Variants in TIAM2 observed in about 807,000 individuals in gnomAD.
TIAM2 encodes the protein rho guanine nucleotide exchange factor TIAM2.
A neutral mutation model predicts 152.9 loss-of-function variants in TIAM2; 80 were observed. The observed-to-expected ratio is 0.52, with a 90% CI of 0.44 to 0.63. The LOEUF (loss-of-function observed/expected upper bound fraction) is 0.63. Among genes scored for constraint, TIAM2 ranks in the 30% least tolerant of loss-of-function variants. The pLI is 0.00. For synonymous variants in TIAM2, 804 were observed against 838.0 expected, an observed-to-expected ratio of 0.96 and a Z score of 0.70; for missense variants, 1,965 against 2,120.1, an observed-to-expected ratio of 0.93 and a Z score of 1.44.
At chr6:155,224,826 G>A (rs375012955) in intron 15 of TIAM2, among the ~76,000 whole-genome samples, 102 of 152,342 alleles carry the variant, frequency 6.7e-4, no homozygotes, top group African/African-American at 2.2e-3. Flanking sequence ...GAAGGTTCTG[G>A]CCTGGCATCT....
intron 10 of TIAM2, 86 bp downstream of exon 10, chr6:155,177,063 T>C: frequency 7.3e-7 from 1 of 1,370,168 alleles, no homozygotes; most frequent in East Asian, 2.4e-5. Context: ...TCATGTGATA[T>C]TCAAGGGCCC....
intron 2 of TIAM2, among the ~76,000 whole-genome samples, chr6:155,102,819 A>G (rs1003538216): frequency 1.3e-5 from 2 of 149,444 alleles, no homozygotes; most frequent in African/African-American, 4.9e-5. Flanking sequence ...GTATACATAT[A>G]TTTTCCTCCC....
chr6:155,018,312 T>A (rs934014610), intron 1 of TIAM2, among the ~76,000 whole-genome samples: 2 of 151,740 alleles, frequency 1.3e-5, no homozygotes, highest in African/African-American at 4.8e-5. Flanking sequence ...TTTCACTTGC[T>A]TCTTATTTTT....
Position 155,053,782 on chromosome 6 carries a change from C to T in TIAM2, c.-208-36507C>T, listed in dbSNP as rs1583169634. 2.0e-5 allele frequency among the ~76,000 whole-genome samples: 3 copies of T among 152,214 alleles called. 1 individual carries two copies. The South Asian group carries it at 6.2e-4, about 32-fold the overall frequency. On this transcript the variant is annotated intron_variant, in intron 1 of 26. Coordinates refer to ENST00000682666, the MANE Select transcript of TIAM2 (RefSeq NM_012454.4). The stretch of plus-strand genomic sequence containing the variant: ...CACTACGCCTGGCCTAGCAAACACC[C>T]TTTTGATTATGATTTGTAATCCATG...
chr6:155,236,866 G>A (rs1159522565), intron 15 of TIAM2, among the ~76,000 whole-genome samples: 1 of 152,054 alleles, frequency 6.6e-6, no homozygotes, highest in Non-Finnish European at 1.5e-5. Flanking sequence ...AATTATTTAT[G>A]GGAGCTACAA....
intron 2 of TIAM2, among the ~76,000 whole-genome samples, chr6:155,104,050 C>CCCCCCACACA (rs1778617598): frequency 2.3e-5 from 2 of 87,546 alleles, no homozygotes; most frequent in African/African-American, 1.1e-4. Context: ...ACCCCCCCCC[C>CCCCCCACACA]CACACCCCCA....
chr6:155,015,963 A>AC (rs1212063482), intron 1 of TIAM2, among the ~76,000 whole-genome samples: 13 of 151,078 alleles, frequency 8.6e-5, no homozygotes, highest in African/African-American at 3.1e-4. Flanking sequence ...AAAAAAAAAA[A>AC]AAAAAAAAAA....
intron 1 of TIAM2, among the ~76,000 whole-genome samples, chr6:155,003,762 C>T (rs1172136351): frequency 6.6e-6 from 1 of 152,174 alleles, no homozygotes; most frequent in African/African-American, 2.4e-5. Flanking sequence ...CTGCTACCAC[C>T]GCAGCTGCCA....
intron 2 of TIAM2, among the ~76,000 whole-genome samples, chr6:155,102,998 T>A (rs1778584611): frequency 6.6e-6 from 1 of 152,212 alleles, no homozygotes; most frequent in South Asian, 2.1e-4. Context: ...TCGTAAGTGG[T>A]AATTTACATT....
At chr6:155,070,337 C>T (rs1040631617) in intron 1 of TIAM2, among the ~76,000 whole-genome samples, 1 of 149,690 alleles carries the variant, frequency 6.7e-6, no homozygotes, top group Non-Finnish European at 1.5e-5. Context: ...TCTCCTGCCT[C>T]AGCCTCCTGA....
At chr6:155,216,607 T>C (rs1308999031) in intron 15 of TIAM2, 1 of 154,632 alleles carries the variant, frequency 6.5e-6, no homozygotes, top group Non-Finnish European at 1.4e-5. Context: ...GCATGTGCTA[T>C]TGTAATAGTT....
intron 1 of TIAM2, among the ~76,000 whole-genome samples, chr6:155,055,060 G>A (rs777943106): frequency 2.0e-5 from 3 of 152,148 alleles, no homozygotes; most frequent in African/African-American, 7.2e-5. Context: ...GTGGAACTGC[G>A]ATCTGGAGCC....
intron 1 of TIAM2, among the ~76,000 whole-genome samples, chr6:155,061,153 T>C (rs1777571380): frequency 6.6e-6 from 1 of 152,190 alleles, no homozygotes; most frequent in Non-Finnish European, 1.5e-5. Context: ...TGAATAGAGC[T>C]AGGAAGTTTT....
intron 1 of TIAM2, among the ~76,000 whole-genome samples, chr6:155,073,711 G>A (rs1657056935): frequency 6.6e-6 from 1 of 152,142 alleles, no homozygotes; most frequent in African/African-American, 2.4e-5. Context: ...CTGCTTAACA[G>A]CGAGCTACCC....
In TIAM2 at chr6:155,017,790, A is replaced by G. The variant is rs566290600; in HGVS notation, c.-209+22298A>G. 2.6e-5 allele frequency among the ~76,000 whole-genome samples: 4 copies of G among 152,228 alleles called. No homozygotes were observed. In the South Asian group the frequency reaches 8.3e-4, roughly 32 times the overall value. On this transcript the variant is annotated intron_variant, in intron 1 of 26. Transcript: ENST00000682666. ...AGTGCTGGGATTACAGGTGTGAGCC[A>G]CCACGCCTGACTCTCCCTTTTGTCT...
chr6:155,256,746 G>A lies in TIAM2; in HGVS notation c.4731G>A (p.Gln1577=). 6.2e-7 allele frequency: 1 copy of A among 1,614,242 alleles called. No homozygotes were observed. Among genetic ancestry groups the A allele is most frequent in the Non-Finnish European group, 8.5e-7 (1 of 1,180,042 alleles). ...ILSDEDDDHR[Q]TVKQGSPTKD... ...GCGATGAAGATGATGACCACCGTCA[G>A]ACTGTGAAGCAGGGCAGCCCTACTA... The change falls in exon 27 of 27, where the codon CAG becomes CAA. Residue 1577 remains glutamine (Q), a synonymous_variant. Transcript: ENST00000682666.
At chr6:155,055,397 C>T (rs969154553) in intron 1 of TIAM2, among the ~76,000 whole-genome samples, 6 of 152,112 alleles carry the variant, frequency 3.9e-5, no homozygotes, top group African/African-American at 1.4e-4. Flanking sequence ...TTTTAGAAAG[C>T]AAGATTATAG....
intron 1 of TIAM2, among the ~76,000 whole-genome samples, chr6:155,081,492 C>T (rs533015088): frequency 6.6e-5 from 10 of 152,048 alleles, no homozygotes; most frequent in African/African-American, 1.9e-4. Context: ...GTAAAGTTAC[C>T]GTTTGGAAAA....
intron 1 of TIAM2, among the ~76,000 whole-genome samples, chr6:155,049,825 A>G (rs1251758888): frequency 6.6e-6 from 1 of 152,078 alleles, no homozygotes; most frequent in Non-Finnish European, 1.5e-5. Flanking sequence ...AGAATGTGGT[A>G]GTTATAGGCA....
Sources: allele counts gnomAD v4.1 joint callset (sites outside exome capture counted in the v4.1 genomes callset), GRCh38; gene constraint gnomAD v4.1.1; transcripts MANE v1.5; gene names NCBI Gene and HGNC (gene_info 2026-07-23, HGNC 2026-07-21).